CACNA2D1: variants seen among roughly 807,000 people sequenced by gnomAD.
CACNA2D1 encodes the protein voltage-dependent calcium channel subunit alpha-2/delta-1.
CACNA2D1 carries 53 observed loss-of-function variants against 171.5 expected under a neutral mutation model. The observed-to-expected ratio is 0.31, with a 90% CI of 0.25 to 0.39. The LOEUF is 0.39. Ranked by LOEUF, CACNA2D1 falls within the 10% of genes least tolerant of loss-of-function variation. CACNA2D1 has a pLI of 1.00. For synonymous variants in CACNA2D1, 442 were observed against 443.1 expected (o/e 1.00, Z 0.03); for missense variants, 903 against 1,299.8 (o/e 0.69, Z 4.69).
chr7:82,154,937 A>G (rs1688239869), intron 4 of CACNA2D1, among the ~76,000 whole-genome samples: 1 of 152,028 alleles, frequency 6.6e-6, no homozygotes, highest in African/African-American at 2.4e-5. Flanking sequence ...GCCTGGTGAG[A>G]GGTGACTGGA....
Position 82,158,855 on chromosome 7 carries a change from T to C in CACNA2D1, c.354+11695A>G, listed in dbSNP as rs138782129. Among the ~76,000 whole-genome samples the C allele has an allele frequency of 3.8e-3, 573 of 152,016 alleles. 10 individuals are homozygous for C. The highest frequency in any genetic ancestry group is 0.013 in the African/African-American group (547 of 41,532). ...TTACTTCATGGCTCAAAAAATAAGATAGACTTTATGTTAAACAGCAAATAT... is the reference window on the plus strand; with the variant it reads ...TTACTTCATGGCTCAAAAAATAAGACAGACTTTATGTTAAACAGCAAATAT... On this transcript the variant is annotated intron_variant, in intron 4 of 38. Coordinates refer to ENST00000356860, the MANE Select transcript of CACNA2D1 (RefSeq NM_000722.4).
chr7:82,415,630 C>A (rs1275517110), intron 1 of CACNA2D1, among the ~76,000 whole-genome samples: 1 of 152,036 alleles, frequency 6.6e-6, no homozygotes, highest in East Asian at 1.9e-4. Flanking sequence ...TTATGTATGA[C>A]TCTTACCCAG....
chr7:82,066,885 TTCC>T (rs1408602524), intron 7 of CACNA2D1, among the ~76,000 whole-genome samples: 1 of 152,124 alleles, frequency 6.6e-6, no homozygotes, highest in Admixed American at 6.6e-5. Context: ...TTTCAATTAT[TTCC>T]TCCTTATATT....
intron 6 of CACNA2D1, among the ~76,000 whole-genome samples, chr7:82,099,885 T>A (rs1231046947): frequency 6.6e-6 from 1 of 152,060 alleles, no homozygotes; most frequent in East Asian, 1.9e-4. Flanking sequence ...ATTTAAAAAG[T>A]AGTTCTACAT....
intron 28 of CACNA2D1, among the ~76,000 whole-genome samples, 180 bp from the exon 29 acceptor site, chr7:81,969,153 T>C (rs1795015563): frequency 6.6e-6 from 1 of 151,480 alleles, no homozygotes; most frequent in Non-Finnish European, 1.5e-5. Context: ...CTAACTGGTA[T>C]ATCCATGAAT....
intron 2 of CACNA2D1, among the ~76,000 whole-genome samples, chr7:82,339,996 G>A (rs1818427954): frequency 6.6e-6 from 1 of 152,170 alleles, no homozygotes; most frequent in Non-Finnish European, 1.5e-5. Context: ...GTAAACTAGG[G>A]AAATGGCAGC....
intron 10 of CACNA2D1, among the ~76,000 whole-genome samples, chr7:82,049,653 T>A (rs911379148): frequency 3.3e-5 from 5 of 152,148 alleles, no homozygotes; most frequent in African/African-American, 1.2e-4. Flanking sequence ...ATGCAGATGT[T>A]CTCCTTAGCT....
intron 4 of CACNA2D1, among the ~76,000 whole-genome samples, chr7:82,155,747 A>T (rs577745040): frequency 3.7e-4 from 56 of 152,324 alleles, no homozygotes; most frequent in African/African-American, 1.3e-3. Flanking sequence ...ATTTTAAAAA[A>T]TGACAAAGAG....
At chr7:82,070,525 T>C (rs1337672761) in intron 7 of CACNA2D1, among the ~76,000 whole-genome samples, 1 of 152,180 alleles carries the variant, frequency 6.6e-6, no homozygotes, top group Admixed American at 6.5e-5. Flanking sequence ...GGGAGATCTT[T>C]TGCCTCCTTC....
intron 6 of CACNA2D1, among the ~76,000 whole-genome samples, chr7:82,085,168 T>C (rs1021350058): frequency 2.6e-5 from 4 of 152,178 alleles, no homozygotes; most frequent in African/African-American, 9.6e-5. Context: ...TGTATGACAG[T>C]GTCCCTACTG....
intron 1 of CACNA2D1, among the ~76,000 whole-genome samples, chr7:82,437,113 A>C (rs2129459523): frequency 6.6e-6 from 1 of 152,290 alleles, no homozygotes; most frequent in Non-Finnish European, 1.5e-5. Flanking sequence ...GATTGAAGTG[A>C]AAAGGACCTG....
intron 6 of CACNA2D1, among the ~76,000 whole-genome samples, chr7:82,086,751 A>G (rs1184345372): frequency 6.6e-6 from 1 of 152,102 alleles, no homozygotes; most frequent in Non-Finnish European, 1.5e-5. Context: ...TTTCATTCAT[A>G]TTAGGCAATA....
chr7:82,179,181 C>A (rs748459042), intron 3 of CACNA2D1, among the ~76,000 whole-genome samples: 1 of 151,982 alleles, frequency 6.6e-6, no homozygotes, highest in Non-Finnish European at 1.5e-5. Context: ...ACACCCTAAT[C>A]CATGTAATTC....
intron 3 of CACNA2D1, among the ~76,000 whole-genome samples, chr7:82,217,696 C>G (rs1305740108): frequency 1.3e-5 from 2 of 149,494 alleles, no homozygotes; most frequent in Non-Finnish European, 3.0e-5. Flanking sequence ...ATAGGTCTAA[C>G]TTAATTTAAA....
intron 4 of CACNA2D1, among the ~76,000 whole-genome samples, chr7:82,139,256 T>C (rs1396582235): frequency 6.6e-6 from 1 of 152,146 alleles, no homozygotes; most frequent in Non-Finnish European, 1.5e-5. Flanking sequence ...TAATAAAATA[T>C]AAATAAATAA....
intron 6 of CACNA2D1, among the ~76,000 whole-genome samples, chr7:82,103,909 T>C (rs904310111): frequency 2.6e-5 from 4 of 151,646 alleles, no homozygotes; most frequent in African/African-American, 9.7e-5. Context: ...TAAAAGATTA[T>C]AAACAAAAAA....
intron 3 of CACNA2D1, among the ~76,000 whole-genome samples, chr7:82,322,847 C>T (rs1157961062): frequency 6.6e-6 from 1 of 152,120 alleles, no homozygotes; most frequent in Non-Finnish European, 1.5e-5. Context: ...TGGGTTTGGG[C>T]ATCTCACAAC....
chr7:82,396,538 A>G (rs966716684), intron 1 of CACNA2D1, among the ~76,000 whole-genome samples: 1 of 152,138 alleles, frequency 6.6e-6, no homozygotes, highest in Non-Finnish European at 1.5e-5. Context: ...GCTACACAAT[A>G]TATGTCTGCC....
chr7:82,271,654 T>C (rs1808648030), intron 3 of CACNA2D1, among the ~76,000 whole-genome samples: 1 of 152,192 alleles, frequency 6.6e-6, no homozygotes, highest in East Asian at 1.9e-4. Context: ...GTTTTATTAT[T>C]TCTATTTGGA....
Sources: allele counts gnomAD v4.1 joint callset (sites outside exome capture counted in the v4.1 genomes callset), GRCh38; gene constraint gnomAD v4.1.1; transcripts MANE v1.5; gene names NCBI Gene and HGNC (gene_info 2026-07-23, HGNC 2026-07-21).